MIER1: variants seen among roughly 807,000 people sequenced by gnomAD.
The protein encoded by MIER1 is MIER1 transcriptional regulator.
MIER1 carries 40 observed loss-of-function variants against 75.7 expected under a neutral mutation model. The observed-to-expected ratio is 0.53, with a 90% CI of 0.41 to 0.69. The LOEUF (loss-of-function observed/expected upper bound fraction) is 0.69. Ranked by LOEUF, MIER1 falls within the 30% of genes least tolerant of loss-of-function variation. The pLI is 0.00. For synonymous variants in MIER1, 213 were observed against 223.4 expected (o/e 0.95, Z 0.42); for missense variants, 574 against 680.2 (o/e 0.84, Z 1.74).
chr1:66,975,882 G>A (rs1007762993), intron 11 of MIER1, among the ~76,000 whole-genome samples: 2 of 152,188 alleles, frequency 1.3e-5, no homozygotes, highest in Non-Finnish European at 1.5e-5. Flanking sequence ...TCTTTCAAAA[G>A]GGAATTTAAA....
chr1:66,981,756 A>G (rs772660500), intron 12 of MIER1, 23 bp from the exon 13 acceptor site: 1 of 1,554,218 alleles, frequency 6.4e-7, no homozygotes, highest in Non-Finnish European at 8.7e-7. Flanking sequence ...TTTTAATATA[A>G]AAATTGTTTT....
chr1:66,957,617 G>A (rs1254749602), intron 4 of MIER1, among the ~76,000 whole-genome samples: 2 of 58,874 alleles, frequency 3.4e-5, no homozygotes, highest in Non-Finnish European at 3.2e-5. Context: ...TCATGTGTTC[G>A]GGCTGAGCTC....
chr1:66,970,223 C>T lies in MIER1; in HGVS notation c.773-585C>T, dbSNP rs115404651. Among the ~76,000 whole-genome samples, 1,189 of 152,222 alleles carry T rather than the reference C, an allele frequency of 7.8e-3. 22 individuals are homozygous for T. Among genetic ancestry groups the T allele is most frequent in the Non-Finnish European group, 8.5e-3 (581 of 68,008 alleles). On this transcript the variant is annotated intron_variant, in intron 8 of 13. Coordinates refer to ENST00000401041, the MANE Select transcript of MIER1 (RefSeq NM_001077700.3). The stretch of plus-strand genomic sequence containing the variant: ...TTAAATACCTTTAAAAAAGTAATGA[C>T]TTGTTTTTGTGAAAGTGATTTATAT...
intron 2 of MIER1, among the ~76,000 whole-genome samples, chr1:66,932,435 G>C (rs7528178): frequency 0.062 from 9,498 of 152,170 alleles, 933 homozygotes; most frequent in African/African-American, 0.22. Context: ...GGAAGAGTTA[G>C]AGGAACTTTC....
intron 4 of MIER1, chr1:66,946,853 C>A: frequency 1.0e-6 from 1 of 985,164 alleles, no homozygotes; most frequent in Non-Finnish European, 1.2e-6. Flanking sequence ...ACATTCCCTT[C>A]TTTTACTTGA....
intron 12 of MIER1, among the ~76,000 whole-genome samples, chr1:66,979,395 G>A (rs1174528566): frequency 1.3e-5 from 2 of 152,162 alleles, no homozygotes; most frequent in Non-Finnish European, 2.9e-5. Flanking sequence ...AAAGTCATTT[G>A]TTCACCAGGA....
chr1:66,988,161 A>G lies in MIER1; in HGVS notation c.*3261A>G, dbSNP rs758436961. On this transcript the variant is annotated 3_prime_UTR_variant, in exon 14 of 14. Coordinates refer to ENST00000401041, the MANE Select transcript of MIER1 (RefSeq NM_001077700.3). ...ATCAGATAGTAAGGTTTTCCCAACT[A>G]TAATCCATATTCATGAAAAATGCCA... The G allele has an allele frequency of 5.9e-5, 9 of 152,316 alleles. No individual in the cohort carries two copies. The highest frequency in any genetic ancestry group is 1.2e-4 in the African/African-American group (5 of 41,438). The allele number at this position is 152,316 out of a possible 1,614,324, so 9.4% of individuals were successfully genotyped here.
intron 8 of MIER1, among the ~76,000 whole-genome samples, chr1:66,969,151 CT>C (rs1443430687): frequency 6.6e-6 from 1 of 151,976 alleles, no homozygotes; most frequent in African/African-American, 2.4e-5. Context: ...AAATATTTTC[CT>C]TTGGGCTGTA....
At chr1:66,969,223 G>A (rs1367404557) in intron 8 of MIER1, among the ~76,000 whole-genome samples, 2 of 152,094 alleles carry the variant, frequency 1.3e-5, no homozygotes, top group Admixed American at 1.3e-4. Context: ...TTTGAAGTGT[G>A]TGTGGGTGAG....
chr1:66,981,277 A>C (rs1441470853), intron 12 of MIER1, among the ~76,000 whole-genome samples: 1 of 152,220 alleles, frequency 6.6e-6, no homozygotes, highest in African/African-American at 2.4e-5. Context: ...CCAGGAATTT[A>C]GTTAGCATCT....
intron 12 of MIER1, among the ~76,000 whole-genome samples, chr1:66,980,503 A>C (rs1198969398): frequency 6.6e-6 from 1 of 152,198 alleles, no homozygotes; most frequent in African/African-American, 2.4e-5. Flanking sequence ...AGTGATGACC[A>C]TATAGGTTGA....
chr1:66,931,058 T>C (rs1260199623), intron 2 of MIER1, among the ~76,000 whole-genome samples: 1 of 146,100 alleles, frequency 6.8e-6, no homozygotes, highest in Non-Finnish European at 1.5e-5. Flanking sequence ...TTTCCAGGCT[T>C]CCCCCCACCC....
chr1:66,941,465 A>G (rs934103132), intron 3 of MIER1, among the ~76,000 whole-genome samples: 7 of 152,212 alleles, frequency 4.6e-5, no homozygotes, highest in African/African-American at 1.7e-4. Flanking sequence ...TTCATAGAAA[A>G]AATAGATCCT....
chr1:66,945,262 T>TGG (rs1657231986), intron 3 of MIER1, among the ~76,000 whole-genome samples: 1 of 19,598 alleles, frequency 5.1e-5, no homozygotes. Flanking sequence ...AATAATCTGG[T>TGG]GTGTGTATAT....
chr1:66,935,017 GA>G (rs1430444672), intron 2 of MIER1, among the ~76,000 whole-genome samples: 1 of 152,118 alleles, frequency 6.6e-6, no homozygotes, highest in Non-Finnish European at 1.5e-5. Context: ...GTTTTGAGGG[GA>G]AAAATTTGTT....
intron 4 of MIER1, chr1:66,948,119 A>T (rs914835913): frequency 1.1e-6 from 1 of 906,812 alleles, no homozygotes; most frequent in Non-Finnish European, 1.3e-6. Context: ...TGAGAAGATG[A>T]AATAAAATGA....
intron 3 of MIER1, among the ~76,000 whole-genome samples, chr1:66,945,676 A>G (rs1278130985): frequency 2.0e-5 from 3 of 152,164 alleles, no homozygotes; most frequent in Non-Finnish European, 4.4e-5. Context: ...AGCCAGGGCA[A>G]CATAGCAAGA....
chr1:66,979,306 G>A (rs961477871), intron 12 of MIER1, among the ~76,000 whole-genome samples: 1 of 152,172 alleles, frequency 6.6e-6, no homozygotes, highest in African/African-American at 2.4e-5. Context: ...TTAAGCTAAT[G>A]TGTTTAGAGA....
At position 66,963,127 on chromosome 1, in the gene MIER1, G is replaced by C; in HGVS notation, c.739G>C (p.Val247Leu). 2 of 1,612,176 alleles carry C rather than the reference G, an allele frequency of 1.2e-6. No individual in the cohort carries two copies. Among genetic ancestry groups the C allele is most frequent in the Non-Finnish European group, 8.5e-7 (1 of 1,178,562 alleles). The change falls in exon 8 of 14, where the codon GTT (valine) becomes CTT (leucine). Residue 247 changes from valine (V) to leucine (L), a missense_variant. By Grantham distance (32) the Val-to-Leu change is conservative. Transcript: ENST00000401041. ...VGSMFQAEIP[V>L]GICRYKENEK... ...CTCCATGTTTCAAGCAGAAATTCCA[G>C]TTGGCATTTGTAGATACAAAGAAAA...
Sources: allele counts gnomAD v4.1 joint callset (sites outside exome capture counted in the v4.1 genomes callset), GRCh38; gene constraint gnomAD v4.1.1; transcripts MANE v1.5; gene names NCBI Gene and HGNC (gene_info 2026-07-23, HGNC 2026-07-21).